Variants in RARRES2 observed in about 807,000 individuals in gnomAD.
RARRES2 encodes retinoic acid receptor responder protein 2.
Under a neutral mutation model 17.9 loss-of-function variants are expected in RARRES2, and 12 were observed. The observed-to-expected ratio is 0.67, with a 90% CI of 0.43 to 1.08. The LOEUF (loss-of-function observed/expected upper bound fraction) is 1.08, where lower values mean the gene tolerates loss of function less well. Ranked by LOEUF, RARRES2 falls within the 50% of genes least tolerant of loss-of-function variation. RARRES2 has a pLI of 0.00. For missense variants in RARRES2, 220 were observed against 210.1 expected, an observed-to-expected ratio of 1.05 and a Z score of -0.29; for synonymous variants, 82 against 86.8, an observed-to-expected ratio of 0.94 and a Z score of 0.31.
intron 4 of RARRES2, 34 bp from the exon 5 acceptor site, chr7:150,338,775 G>A (rs751159329): frequency 2.3e-5 from 36 of 1,562,888 alleles, no homozygotes; most frequent in Non-Finnish European, 2.7e-5. Flanking sequence ...GGCAGTGTAG[G>A]AGGGGTGGGC....
At position 150,340,445 on chromosome 7, in the gene RARRES2, G is replaced by A. The variant is rs765640893; in HGVS notation, c.165C>T (p.Ala55=). Residue 55 remains alanine (A), a synonymous_variant, in exon 2 of 6, where the codon GCC becomes GCT. Transcript: ENST00000223271. ...WAFQETSVES[A]VDTPFPAGIF... ...GGGCCATGCTACTCACCGTGTCCAC[G>A]GCGCTCTCCACACTGGTCTCCTGGA... is the stretch of plus-strand genomic sequence containing the variant. The A allele has an allele frequency of 5.0e-6, 8 of 1,601,934 alleles. No individual in the cohort carries two copies. The highest frequency in any genetic ancestry group is 2.2e-5 in the East Asian group (1 of 44,622).
At chr7:150,338,537 C>G (rs1798391739) in intron 5 of RARRES2, 78 bp downstream of exon 5, 2 of 1,519,096 alleles carry the variant, frequency 1.3e-6, no homozygotes, top group East Asian at 4.9e-5. Flanking sequence ...CTCCCAGGCT[C>G]CCAAAGCCCA....
intron 2 of RARRES2, 54 bp downstream of exon 2, chr7:150,340,382 G>T: frequency 1.3e-6 from 2 of 1,556,328 alleles, no homozygotes; most frequent in Non-Finnish European, 1.7e-6. Flanking sequence ...GTGGGAATGC[G>T]CTGGTCTCCT....
intron 1 of RARRES2, chr7:150,340,839 T>C (rs986226046): frequency 3.5e-5 from 17 of 484,218 alleles, no homozygotes; most frequent in African/African-American, 2.9e-4. Flanking sequence ...CTGCCCGCGC[T>C]GTTCCCTGGG....
intron 3 of RARRES2, 77 bp from the exon 4 acceptor site, chr7:150,339,158 A>C: frequency 7.3e-7 from 1 of 1,361,032 alleles, no homozygotes; most frequent in Non-Finnish European, 1.0e-6. Context: ...GGTGGGAGCC[A>C]GGGCTGCCCA....
rs147597725 is a variant in RARRES2, at chr7:150,338,677, C to G, written c.440G>C (p.Ser147Thr). 6.4e-7 allele frequency: 1 copy of G among 1,555,608 alleles called. No individual in the cohort carries two copies. Among genetic ancestry groups the G allele is most frequent in the Non-Finnish European group, 8.7e-7 (1 of 1,149,164 alleles). ...RVQRAGEDPH[S>T]FYFPGQFAFS... is the part of the protein sequence containing the mutation. Reference sequence around the variant, plus strand: ...GGCGAACTGTCCAGGGAAGTAGAAGCTGTGGGGGTCCTCACCAGCCCGCTG... The same window carrying G: ...GGCGAACTGTCCAGGGAAGTAGAAGGTGTGGGGGTCCTCACCAGCCCGCTG... The change falls in exon 5 of 6, where the codon AGC becomes ACC. Residue 147 changes from serine to threonine, a missense_variant. By Grantham distance (58) the Ser-to-Thr change is moderately conservative. Coordinates refer to ENST00000223271, the MANE Select transcript of RARRES2 (RefSeq NM_002889.4).
rs199822756 is a variant in RARRES2 at position 150,340,140 on chromosome 7, C to T, written c.239G>A (p.Arg80Lys). The change falls in exon 3 of 6, where the codon AGG (arginine) becomes AAG (lysine). Residue 80 changes from arginine (R) to lysine (K), a missense_variant. Transcript: ENST00000223271. ...TTTGCACTCGGGTTTCTTCCAGTCC[C>T]TCTTCCGGCAGCTTGTCTGCTGCAG... is the stretch of plus-strand genomic sequence containing the variant. ...FKLQQTSCRKRDWKKPECKVR... is the reference protein window; with the variant it reads ...FKLQQTSCRKKDWKKPECKVR... The T allele has an allele frequency of 4.6e-5, 75 of 1,614,226 alleles. 1 individual carries two copies. In the Admixed American group the frequency reaches 7.5e-4, roughly 16 times the overall value.
rs1563232204 is a variant in RARRES2, at chr7:150,340,082, T to C, written c.279+18A>G. ...CACACCCAGCATGCGCCCATTGCTC[T>C]CACACCCCTTCACTCACCCCATTGG... is the stretch of plus-strand genomic sequence containing the variant. On this transcript the variant is annotated intron_variant, in intron 3 of 5. Transcript: ENST00000223271. The C allele has an allele frequency of 6.2e-7, 1 of 1,607,404 alleles. No individual in the cohort carries two copies. Among genetic ancestry groups the C allele is most frequent in the Admixed American group, 1.7e-5 (1 of 60,002 alleles).
intron 2 of RARRES2, 55 bp downstream of exon 2, chr7:150,340,381 C>A: frequency 6.4e-7 from 1 of 1,555,290 alleles, no homozygotes; most frequent in Non-Finnish European, 8.7e-7. Flanking sequence ...CGTGGGAATG[C>A]GCTGGTCTCC....
rs1798455792 is a variant in RARRES2 at position 150,340,427 on chromosome 7, G to A, written c.174+9C>T. The A allele has an allele frequency of 6.3e-7, 1 of 1,591,710 alleles. No homozygotes were observed. The highest frequency in any genetic ancestry group is 8.6e-7 in the Non-Finnish European group (1 of 1,166,046). ...CCCTCCCCGCTCCTGCCCGGGCCAT[G>A]CTACTCACCGTGTCCACGGCGCTCT... On this transcript the variant is annotated intron_variant, in intron 2 of 5. Coordinates refer to ENST00000223271, the MANE Select transcript of RARRES2 (RefSeq NM_002889.4).
At position 150,340,525 on chromosome 7, in the gene RARRES2, C is replaced by T; in HGVS notation, c.85G>A (p.Gly29Ser). Residue 29 changes from glycine (G) to serine (S), a missense_variant, in exon 2 of 6, where the codon GGC becomes AGC. Coordinates refer to ENST00000223271, the MANE Select transcript of RARRES2 (RefSeq NM_002889.4). Reference protein sequence around the residue: ...VAELTEAQRRGLQVALEEFHK... With the variant: ...VAELTEAQRRSLQVALEEFHK... ...AATTCCTCCAGGGCCACCTGCAGGC[C>T]CCGGCGCTGGGCTTCCGTGAGCTCG... is the stretch of plus-strand genomic sequence containing the variant. 1 of 1,588,828 alleles carries T rather than the reference C, an allele frequency of 6.3e-7. No homozygotes were observed. The highest frequency in any genetic ancestry group is 8.6e-7 in the Non-Finnish European group (1 of 1,167,934).
At chr7:150,339,752 A>T (rs1432161593) in intron 3 of RARRES2, among the ~76,000 whole-genome samples, 2 of 151,908 alleles carry the variant, frequency 1.3e-5, no homozygotes, top group Admixed American at 6.6e-5. Context: ...CTAGGGGGGC[A>T]CCAGACACAC....
intron 1 of RARRES2, 53 bp from the exon 2 acceptor site, chr7:150,340,682 C>T (rs1798464823): frequency 1.4e-6 from 2 of 1,404,536 alleles, no homozygotes; most frequent in Non-Finnish European, 1.9e-6. Flanking sequence ...GAGCCGCCTC[C>T]TCCCGCGCCC....
rs112335530 is a variant in RARRES2 at position 150,339,956 on chromosome 7, G to C, written c.279+144C>G. On this transcript the variant is annotated intron_variant, in intron 3 of 5. Coordinates refer to ENST00000223271, the MANE Select transcript of RARRES2 (RefSeq NM_002889.4). ...CACTCCACCTCTAAGGAGGCTCTTC[G>C]CAGTGGGGTCTCTAACCTCAGGGCT... The C allele has an allele frequency of 4.0e-5, 30 of 758,102 alleles. No individual in the cohort carries two copies. The African/African-American group carries it at 4.3e-4, about 11-fold the overall frequency. 47.0% of individuals were successfully genotyped at this position (758,102 alleles called of 1,614,324 possible).
chr7:150,340,633 C>T lies in RARRES2; in HGVS notation c.-20-4G>A. On this transcript the variant is annotated splice_polypyrimidine_tract_variant and splice_region_variant and intron_variant, in intron 1 of 5. Transcript: ENST00000223271. ...ATGCTTCCGTGTCACCCTGGCCCTG[C>T]GAAGCGGGTGTGCGCCCCTCAGCTC... is the stretch of plus-strand genomic sequence containing the variant. 6.8e-7 allele frequency: 1 copy of T among 1,479,384 alleles called. No homozygotes were observed. Among genetic ancestry groups the T allele is most frequent in the Non-Finnish European group, 9.0e-7 (1 of 1,112,818 alleles). 91.6% of individuals were successfully genotyped at this position (1,479,384 alleles called of 1,614,324 possible).
chr7:150,340,991 CCT>C (rs1286677447), intron 1 of RARRES2: 1 of 176,376 alleles, frequency 5.7e-6, no homozygotes, highest in Non-Finnish European at 1.2e-5. Flanking sequence ...CCCCGGAGCC[CCT>C]CTCTCCTTTC....
chr7:150,338,770 T>C, intron 4 of RARRES2, 29 bp from the exon 5 acceptor site: 1 of 1,561,786 alleles, frequency 6.4e-7, no homozygotes, highest in Non-Finnish European at 8.7e-7. Flanking sequence ...GTTCAGGCAG[T>C]GTAGGAGGGG....
At position 150,338,435 on chromosome 7, in the gene RARRES2, C is replaced by T; in HGVS notation, c.*15G>A. Reference sequence around the variant, plus strand: ...CCGCAGCGGTCCTGGAGGCACCACGCATCTCTAGACAAAAGGGGAAACAGG... The same window carrying T: ...CCGCAGCGGTCCTGGAGGCACCACGTATCTCTAGACAAAAGGGGAAACAGG... On this transcript the variant is annotated 3_prime_UTR_variant, in exon 6 of 6. Coordinates refer to ENST00000223271, the MANE Select transcript of RARRES2 (RefSeq NM_002889.4). 4.6e-6 allele frequency: 7 copies of T among 1,526,592 alleles called. No individual in the cohort carries two copies. Among genetic ancestry groups the T allele is most frequent in the Non-Finnish European group, 5.3e-6 (6 of 1,140,958 alleles). 94.6% of individuals were successfully genotyped at this position (1,526,592 alleles called of 1,614,324 possible).
chr7:150,338,664 A>G lies in RARRES2; in HGVS notation c.453T>C (p.Pro151=). The G allele has an allele frequency of 6.4e-7, 1 of 1,555,614 alleles. No individual in the cohort carries two copies. The highest frequency in any genetic ancestry group is 8.7e-7 in the Non-Finnish European group (1 of 1,149,068). The change falls in exon 5 of 6, where the codon CCT becomes CCC. Residue 151 remains proline, a synonymous_variant. Transcript: ENST00000223271. Reference sequence around the variant, plus strand: ...GGGCCTTGGAGAAGGCGAACTGTCCAGGGAAGTAGAAGCTGTGGGGGTCCT... The same window carrying G: ...GGGCCTTGGAGAAGGCGAACTGTCCGGGGAAGTAGAAGCTGTGGGGGTCCT... ...AGEDPHSFYF[P]GQFAFSKALP...
Sources: allele counts gnomAD v4.1 joint callset (sites outside exome capture counted in the v4.1 genomes callset), GRCh38; gene constraint gnomAD v4.1.1; transcripts MANE v1.5; gene names NCBI Gene and HGNC (gene_info 2026-07-23, HGNC 2026-07-21).